The following RBM5 variants were observed in gnomAD, a reference collection of about 807,000 sequenced individuals.
RBM5 encodes RNA-binding protein 5.
In RBM5, 15 loss-of-function variants were observed where a neutral mutation model predicts 124.6. That is an observed-to-expected ratio of 0.12 (90% CI 0.08 to 0.19). RBM5 has a LOEUF of 0.19. Among genes scored for constraint, RBM5 ranks in the 10% least tolerant of loss-of-function variants. RBM5 has a pLI of 1.00. For synonymous variants in RBM5, 337 were observed against 361.2 expected (o/e 0.93, Z 0.76); for missense variants, 580 against 1,026.5 (o/e 0.57, Z 5.94).
chr3:50,113,571 A>C, intron 18 of RBM5, 27 bp downstream of exon 18: 2 of 1,591,812 alleles, frequency 1.3e-6, no homozygotes, highest in East Asian at 2.2e-5. Flanking sequence ...TATTTCTTTC[A>C]TTGAGGTATT....
intron 17 of RBM5, chr3:50,112,088 A>T (rs1339568143): frequency 5.2e-5 from 6 of 116,108 alleles, no homozygotes; most frequent in Non-Finnish European, 8.4e-5. Context: ...TTTTCCCGTC[A>T]GTTCTCTTTG....
At position 50,117,294 on chromosome 3, in the gene RBM5, T is replaced by C. The variant is rs966644812; in HGVS notation, c.2237T>C (p.Ile746Thr). 1.2e-6 allele frequency: 2 copies of C among 1,614,140 alleles called. No individual in the cohort carries two copies. The highest frequency in any genetic ancestry group is 1.3e-5 in the African/African-American group (1 of 74,950). ...AAAGATGGCATTGACCACAGTAACA[T>C]TGGCAACAAGATGCTGCAGGCCATG... ...PTKDGIDHSN[I>T]GNKMLQAMGW... The change falls in exon 24 of 25, where the codon ATT (isoleucine) becomes ACT (threonine). Residue 746 changes from isoleucine to threonine, a missense_variant. By Grantham distance (89) the Ile-to-Thr change is moderately conservative. Around this residue, in one of 6 missense-constraint regions of RBM5, gnomAD observed 234 missense variants for 435.1 expected, o/e 0.54. Coordinates refer to ENST00000347869, the MANE Select transcript of RBM5 (RefSeq NM_005778.4). This position sits in a 1 kb window ranked among gnomAD's most constrained non-coding sequence, Gnocchi z 4.2.
chr3:50,099,266 A>C (rs969655092), intron 4 of RBM5, among the ~76,000 whole-genome samples: 1 of 151,862 alleles, frequency 6.6e-6, no homozygotes, highest in African/African-American at 2.4e-5. Context: ...AAAAAAAAAA[A>C]AGGAAAAATT....
intron 12 of RBM5, 80 bp downstream of exon 12, chr3:50,107,649 C>A: frequency 1.7e-6 from 1 of 577,564 alleles, no homozygotes; most frequent in Non-Finnish European, 3.2e-6. Context: ...CTGTGGTACT[C>A]GCAGTATGAG....
intron 4 of RBM5, among the ~76,000 whole-genome samples, chr3:50,097,054 T>C (rs1252933516): frequency 1.3e-5 from 2 of 152,100 alleles, no homozygotes; most frequent in Admixed American, 1.3e-4. Flanking sequence ...AGTGCTATTG[T>C]GGCTAGGGGC....
intron 6 of RBM5, chr3:50,101,369 T>G (rs1472829326): frequency 6.6e-6 from 1 of 152,224 alleles, no homozygotes; most frequent in African/African-American, 2.4e-5. Flanking sequence ...TTTGCTTGAC[T>G]CATTATCTTG....
In RBM5 at chr3:50,109,823, T is replaced by C. The variant is rs1272793918; in HGVS notation, c.1278+135T>C. 7 of 616,888 alleles carry C rather than the reference T, an allele frequency of 1.1e-5. No homozygotes were observed. In the East Asian group the frequency reaches 1.7e-4, roughly 15 times the overall value. The allele number at this position is 616,888 out of a possible 1,614,324, so 38.2% of individuals were successfully genotyped here. ...TTCAACCTTATTTCTTTCTGTTGTT[T>C]TAAAATATTAATTTTATGATATATA... On this transcript the variant is annotated intron_variant, in intron 15 of 24. Transcript: ENST00000347869.
chr3:50,098,336 T>C (rs1204286974), intron 4 of RBM5, among the ~76,000 whole-genome samples: 1 of 152,164 alleles, frequency 6.6e-6, no homozygotes, highest in Non-Finnish European at 1.5e-5. Context: ...AGTGGTGCAA[T>C]AGCCCATTGT....
chr3:50,090,596 T>C, intron 2 of RBM5, 145 bp downstream of exon 2: 1 of 905,374 alleles, frequency 1.1e-6, no homozygotes, highest in Non-Finnish European at 1.7e-6. Flanking sequence ...TGTCACAAAC[T>C]ACAGTCTAGT....
chr3:50,092,273 G>A (rs2090717736), intron 3 of RBM5, 65 bp downstream of exon 3: 1 of 1,520,284 alleles, frequency 6.6e-7, no homozygotes, highest in Non-Finnish European at 8.9e-7. Flanking sequence ...AGAAATAACA[G>A]CCAGGCAGCC....
At chr3:50,113,901 G>A (rs1454525299) in intron 18 of RBM5, 49 bp from the exon 19 acceptor site, 43 of 1,595,902 alleles carry the variant, frequency 2.7e-5, no homozygotes, top group Non-Finnish European at 3.7e-5. Flanking sequence ...CATTCTCATG[G>A]CACAGGGGAT....
intron 2 of RBM5, 181 bp from the exon 3 acceptor site, chr3:50,091,862 G>C: frequency 1.5e-6 from 1 of 671,528 alleles, no homozygotes; most frequent in South Asian, 1.6e-5. Context: ...ATTACATTTA[G>C]GGATGTAGGT....
intron 3 of RBM5, among the ~76,000 whole-genome samples, chr3:50,093,478 G>A (rs1048217268): frequency 6.6e-6 from 1 of 151,482 alleles, no homozygotes; most frequent in Non-Finnish European, 1.5e-5. Context: ...GGCTGGGTGT[G>A]CCTATAATCC....
In RBM5 at chr3:50,115,465, A is replaced by C; in HGVS notation, c.1877A>C (p.Asn626Thr). The C allele has an allele frequency of 6.2e-7, 1 of 1,613,984 alleles. No homozygotes were observed. The highest frequency in any genetic ancestry group is 1.3e-5 in the African/African-American group (1 of 75,012). Residue 626 changes from asparagine to threonine, a missense_variant, in exon 21 of 25, where the codon AAT becomes ACT. Physicochemically the swap from Asn to Thr is moderately conservative, Grantham distance 65 (BLOSUM62 0). Transcript: ENST00000347869. ...GCTGCTTACAGTGGTGACAGTGACA[A>C]TGAGGAGGAGCTGGTGGAGAGACTT... Reference protein sequence around the residue: ...LVAAYSGDSDNEEELVERLES... With the variant: ...LVAAYSGDSDTEEELVERLES...
At chr3:50,107,671 T>G (rs1390323794) in intron 12 of RBM5, 102 bp downstream of exon 12, 1 of 417,316 alleles carries the variant, frequency 2.4e-6, no homozygotes, top group Non-Finnish European at 4.0e-6. Flanking sequence ...TCTTTTCTTT[T>G]CTTTTTTTTT....
At chr3:50,113,297 T>C (rs1393425813) in intron 17 of RBM5, 86 bp from the exon 18 acceptor site, 1 of 1,409,924 alleles carries the variant, frequency 7.1e-7, no homozygotes, top group Non-Finnish European at 9.7e-7. Flanking sequence ...GTCCACAACA[T>C]ACTTTATCTT....
At chr3:50,110,823 C>T (rs2091130211) in intron 17 of RBM5, 53 bp downstream of exon 17, 1 of 1,370,494 alleles carries the variant, frequency 7.3e-7, no homozygotes, top group Non-Finnish European at 1.0e-6. Flanking sequence ...TCGCTTAGTG[C>T]ATTTATGAGG....
chr3:50,108,686 G>A (rs2091085586), intron 14 of RBM5, among the ~76,000 whole-genome samples: 1 of 151,938 alleles, frequency 6.6e-6, no homozygotes, highest in African/African-American at 2.4e-5. Context: ...CAGCCTGGGC[G>A]ACAGAGTGAG....
chr3:50,097,783 T>C (rs1397181197), intron 4 of RBM5, among the ~76,000 whole-genome samples: 2 of 152,162 alleles, frequency 1.3e-5, no homozygotes, highest in Non-Finnish European at 2.9e-5. Context: ...ATAATTTAAC[T>C]GTAAGAAAAG....
Sources: allele counts gnomAD v4.1 joint callset (sites outside exome capture counted in the v4.1 genomes callset), GRCh38; gene constraint gnomAD v4.1.1; regional missense constraint gnomAD v4.1.1; non-coding constraint Gnocchi (gnomAD v3.1); transcripts MANE v1.5; gene names NCBI Gene and HGNC (gene_info 2026-07-23, HGNC 2026-07-21).